Variants in CRYAB observed in about 807,000 individuals in gnomAD.
CRYAB encodes the protein alpha-crystallin B chain.
A neutral mutation model predicts 12.7 loss-of-function variants in CRYAB; 9 were observed. That is an observed-to-expected ratio of 0.71 (90% CI 0.43 to 1.24). The LOEUF (loss-of-function observed/expected upper bound fraction) is 1.24. Ranked by LOEUF, CRYAB falls within the 50% of genes most tolerant of loss-of-function variation. The probability of loss-of-function intolerance (pLI) is 0.00; values close to 1 mark genes in which losing one functional copy is unlikely to be tolerated. For missense variants in CRYAB, 183 were observed against 226.6 expected, an observed-to-expected ratio of 0.81 and a Z score of 1.24; for synonymous variants, 93 against 86.8, an observed-to-expected ratio of 1.07 and a Z score of -0.40.
At chr11:111,923,077 A>G (rs1286476938) in intron 1 of CRYAB, among the ~76,000 whole-genome samples, 1 of 152,248 alleles carries the variant, frequency 6.6e-6, no homozygotes, top group African/African-American at 2.4e-5. Flanking sequence ...TTTAGGACTA[A>G]TATTTTCTGT....
chr11:111,918,579 C>A, intron 1 of CRYAB: 1 of 588,222 alleles, frequency 1.7e-6, no homozygotes, highest in South Asian at 2.1e-5. Flanking sequence ...CAAACTACTA[C>A]ATTAGGCACT....
chr11:111,910,527 G>A, intron 1 of CRYAB, 78 bp from the exon 2 acceptor site: 2 of 1,545,058 alleles, frequency 1.3e-6, no homozygotes, highest in Non-Finnish European at 1.8e-6. Context: ...GTCTTATTCT[G>A]CAGAGCTGCT....
rs1555165218 is a variant in CRYAB at position 111,908,777 on chromosome 11, G to T, written c.515C>A (p.Ala172Asp). The stretch of plus-strand genomic sequence containing the variant: ...AAGAAAGGGCATCTATTTCTTGGGG[G>T]CTGCGGTGACAGCAGGCTTCTCTTC... ...TREEKPAVTA[A>D]PKK The change falls in exon 3 of 3, where the codon GCC (alanine) becomes GAC (aspartate). Residue 172 changes from alanine (A) to aspartate (D), a missense_variant. By Grantham distance (126) the Ala-to-Asp change is moderately radical (BLOSUM62 -2). This residue lies in a region of CRYAB where 95 missense variants were observed against 112.5 expected (regional missense o/e 0.84). Coordinates refer to ENST00000650687, the MANE Select transcript of CRYAB (RefSeq NM_001289808.2). 1 of 1,612,682 alleles carries T rather than the reference G, an allele frequency of 6.2e-7. No homozygotes were observed.
At chr11:111,913,339 C>A, upstream of CRYAB, 1 of 890,436 alleles carries the variant, frequency 1.1e-6, no homozygotes, top group Middle Eastern at 2.6e-4. Flanking sequence ...TCCTGACTCC[C>A]CTCTTGCTCT....
chr11:111,918,878 C>CCGGGAGCTGCCG lies in CRYAB; in HGVS notation c.-199+4813_-199+4824dup, dbSNP rs1965638967. 13 of 1,453,662 alleles carry CCGGGAGCTGCCG rather than the reference C, an allele frequency of 8.9e-6. No homozygotes were observed. The South Asian group carries it at 1.5e-4, about 17-fold the overall frequency. The allele number at this position is 1,453,662 out of a possible 1,614,324, so 90.0% of individuals were successfully genotyped here. A position where few individuals can be genotyped will look rare whatever the true frequency, so the allele number is the denominator to read the frequency against. On this transcript the variant is annotated intron_variant, in intron 1 of 3. Transcript: ENST00000527950. Reference sequence around the variant, plus strand: ...TTGAAATCTGACACTGACACAGACTCCGGGAGCTGCCGCGGAAAGCTCAAC... The same window carrying CCGGGAGCTGCCG: ...TTGAAATCTGACACTGACACAGACTCCGGGAGCTGCCGCGGGAGCTGCCGCGGAAAGCTCAAC...
rs781945115 is a variant in CRYAB, at chr11:111,911,745, GGGTCAGCTGGCT to G, written c.-33_-22del. On this transcript the variant is annotated 5_prime_UTR_variant, in exon 1 of 3. Transcript: ENST00000650687. ...TCCATGGTGGCTAGGTGAGTGTGAGGGGTCAGCTGGCTGGTCAGCTCCTTCAGCTGCAGCTAC... is the reference window on the plus strand; with the variant it reads ...TCCATGGTGGCTAGGTGAGTGTGAGGGGTCAGCTCCTTCAGCTGCAGCTAC... 1.3e-6 allele frequency: 2 copies of G among 1,542,270 alleles called. No homozygotes were observed. Among genetic ancestry groups the G allele is most frequent in the South Asian group, 2.4e-5 (2 of 84,836 alleles).
chr11:111,912,547 C>A (rs1416402525), upstream of CRYAB: 2 of 509,526 alleles, frequency 3.9e-6, no homozygotes, highest in African/African-American at 1.9e-5. Flanking sequence ...CCAGCTCGTT[C>A]CCAGCCAGGA....
chr11:111,910,445 C>A lies in CRYAB; in HGVS notation c.206G>T (p.Arg69Leu), dbSNP rs987496548. ...GACAGAGAACCTGTCCTTCTCCAGG[C>A]GCATCTAGAAATAGCAAGGTAAGGG... ...SWFDTGLSEM[R>L]LEKDRFSVNL... is the part of the protein sequence containing the mutation. The change falls in exon 2 of 3, where the codon CGC becomes CTC. Residue 69 changes from arginine to leucine, a missense_variant. By Grantham distance (102) the Arg-to-Leu change is moderately radical. Coordinates refer to ENST00000650687, the MANE Select transcript of CRYAB (RefSeq NM_001289808.2). 13 of 1,613,984 alleles carry A rather than the reference C, an allele frequency of 8.1e-6. No individual in the cohort carries two copies. The highest frequency in any genetic ancestry group is 1.7e-5 in the Admixed American group (1 of 59,990).
At chr11:111,919,059 G>A in intron 1 of CRYAB, 2 of 1,603,814 alleles carry the variant, frequency 1.2e-6, no homozygotes, top group Admixed American at 1.7e-5. Flanking sequence ...TGGATGTAGA[G>A]GCCCCGAAAA....
At chr11:111,919,078 C>G in intron 1 of CRYAB, 1 of 1,553,318 alleles carries the variant, frequency 6.4e-7, no homozygotes, top group Non-Finnish European at 8.8e-7. Flanking sequence ...AATCAGAGGA[C>G]CTGGAGATAG....
chr11:111,908,866 G>A lies in CRYAB; in HGVS notation c.426C>T (p.Val142=). The change falls in exon 3 of 3, where the codon GTC becomes GTT. Residue 142 remains valine (V), a synonymous_variant. Coordinates refer to ENST00000650687, the MANE Select transcript of CRYAB (RefSeq NM_001289808.2). ...GTTTCCTTGGTCCATTCACAGTGAGGACCCCATCAGATGACAGGGATGAAG... is the reference window on the plus strand; with the variant it reads ...GTTTCCTTGGTCCATTCACAGTGAGAACCCCATCAGATGACAGGGATGAAG... ...TITSSLSSDG[V]LTVNGPRKQV... is the part of the protein sequence containing the mutation. The A allele has an allele frequency of 6.2e-7, 1 of 1,614,106 alleles. No homozygotes were observed. The highest frequency in any genetic ancestry group is 1.3e-5 in the African/African-American group (1 of 75,050).
At chr11:111,912,682 C>T (rs1456150713), upstream of CRYAB, 3 of 454,716 alleles carry the variant, frequency 6.6e-6, no homozygotes, top group Non-Finnish European at 1.2e-5. Context: ...CCCAGCCCCT[C>T]CCCCCCCAAG....
At chr11:111,914,106 G>A (rs1965559641), upstream of CRYAB, 1 of 559,592 alleles carries the variant, frequency 1.8e-6, no homozygotes, top group Non-Finnish European at 3.1e-6. Flanking sequence ...TGTTTGTACT[G>A]CTCCCTATTC....
chr11:111,911,688 G>A lies in CRYAB; in HGVS notation c.37C>T (p.Pro13Ser), dbSNP rs1349139935. ...CTGGGGGAGTGGAAAGGAAAGAAGGGGCGGCGGATCCAGGGGTGGTGGATG... is the reference window on the plus strand; with the variant it reads ...CTGGGGGAGTGGAAAGGAAAGAAGGAGCGGCGGATCCAGGGGTGGTGGATG... ...IAIHHPWIRR[P>S]FFPFHSPSRL... Residue 13 changes from proline (P) to serine (S), a missense_variant, in exon 1 of 3, where the codon CCC (proline) becomes TCC (serine). Around this residue, in one of 3 missense-constraint regions of CRYAB, gnomAD observed 86 missense variants for 96.1 expected, o/e 0.89. Coordinates refer to ENST00000650687, the MANE Select transcript of CRYAB (RefSeq NM_001289808.2). 1 of 1,602,414 alleles carries A rather than the reference G, an allele frequency of 6.2e-7. No individual in the cohort carries two copies. Among genetic ancestry groups the A allele is most frequent in the South Asian group, 1.1e-5 (1 of 88,946 alleles).
At chr11:111,909,698 G>A (rs1212304958) in intron 2 of CRYAB, 1 of 202,700 alleles carries the variant, frequency 4.9e-6, no homozygotes, top group Non-Finnish European at 1.0e-5. Context: ...ACTGAGCACA[G>A]CTCTGAAATT....
chr11:111,919,922 G>A (rs771224925), intron 1 of CRYAB, among the ~76,000 whole-genome samples: 17 of 152,058 alleles, frequency 1.1e-4, no homozygotes, highest in Non-Finnish European at 1.8e-4. Context: ...AGTGCCAGGC[G>A]TGGTGGCTCA....
chr11:111,910,349 T>C lies in CRYAB; in HGVS notation c.302A>G (p.His101Arg). Residue 101 changes from histidine to arginine, a missense_variant, in exon 2 of 3, where the codon CAT becomes CGT. By Grantham distance (29) the His-to-Arg change is conservative (BLOSUM62 0). Around this residue, in one of 3 missense-constraint regions of CRYAB, gnomAD observed 95 missense variants for 112.5 expected, o/e 0.84. Coordinates refer to ENST00000650687, the MANE Select transcript of CRYAB (RefSeq NM_001289808.2). ...VKVLGDVIEVHGKHEERQDEH... is the reference protein window; with the variant it reads ...VKVLGDVIEVRGKHEERQDEH... ...TACCTGGCGCTCTTCATGTTTTCCA[T>C]GCACCTCAATCACATCTCCCAACAC... is the stretch of plus-strand genomic sequence containing the variant. 1 of 1,614,236 alleles carries C rather than the reference T, an allele frequency of 6.2e-7. No homozygotes were observed. Among genetic ancestry groups the C allele is most frequent in the African/African-American group, 1.3e-5 (1 of 75,062 alleles).
At chr11:111,917,088 T>A (rs1555166161), upstream of CRYAB, among the ~76,000 whole-genome samples, 1 of 152,176 alleles carries the variant, frequency 6.6e-6, no homozygotes, top group African/African-American at 2.4e-5. Flanking sequence ...GATCTTGAAC[T>A]CCTGGGCTCA....
At chr11:111,917,013 C>T (rs905538764), upstream of CRYAB, among the ~76,000 whole-genome samples, 1 of 152,122 alleles carries the variant, frequency 6.6e-6, no homozygotes, top group African/African-American at 2.4e-5. Context: ...CATCACCACA[C>T]CTGGCTAATT....
Sources: allele counts gnomAD v4.1 joint callset (sites outside exome capture counted in the v4.1 genomes callset), GRCh38; gene constraint gnomAD v4.1.1; regional missense constraint gnomAD v4.1.1; transcripts MANE v1.5; gene names NCBI Gene and HGNC (gene_info 2026-07-23, HGNC 2026-07-21).